Variants in PKP2 observed in about 807,000 individuals in gnomAD.
The protein encoded by PKP2 is plakophilin 2, also known as plakophilin-2.
A neutral mutation model predicts 83.4 loss-of-function variants in PKP2; 73 were observed. That is an observed-to-expected ratio of 0.88 (90% confidence interval 0.72 to 1.06). The LOEUF is 1.06. Ranked by LOEUF, PKP2 falls within the 50% of genes least tolerant of loss-of-function variation. The pLI is 0.00. For synonymous variants in PKP2, 409 were observed against 430.4 expected (o/e 0.95, Z 0.62); for missense variants, 966 against 1,065.4 (o/e 0.91, Z 1.30).
intron 6 of PKP2, among the ~76,000 whole-genome samples, chr12:32,826,021 G>A (rs1956436866): frequency 6.6e-6 from 1 of 151,970 alleles, no homozygotes; most frequent in Non-Finnish European, 1.5e-5. Flanking sequence ...AGAACTAAAG[G>A]TGGCTGGGTG....
intron 1 of PKP2, among the ~76,000 whole-genome samples, chr12:32,881,170 C>A (rs574799122): frequency 1.3e-5 from 2 of 152,156 alleles, no homozygotes; most frequent in African/African-American, 4.8e-5. Flanking sequence ...TGTTTGTACA[C>A]GTGTCCTTAT....
chr12:32,848,042 A>G lies in PKP2; in HGVS notation c.1378+2724T>C, dbSNP rs145497582. ...AAATGTTGGTTAAATGAATGGAATC[A>G]CTTTTAATTTCTACAGGCATTTGAA... On this transcript the variant is annotated intron_variant, in intron 5 of 12. Transcript: ENST00000340811. 3.6e-3 allele frequency among the ~76,000 whole-genome samples: 545 copies of G among 152,360 alleles called. 2 individuals carry two copies. The highest frequency in any genetic ancestry group is 5.5e-3 in the Non-Finnish European group (373 of 68,036).
chr12:32,811,582 A>G (rs1004426510), intron 9 of PKP2, among the ~76,000 whole-genome samples: 1 of 152,198 alleles, frequency 6.6e-6, no homozygotes, highest in Non-Finnish European at 1.5e-5. Flanking sequence ...CCTTTGTTTC[A>G]TGGTCAGCAT....
intron 4 of PKP2, among the ~76,000 whole-genome samples, chr12:32,864,307 C>A (rs1211750845): frequency 1.7e-5 from 1 of 57,568 alleles, no homozygotes; most frequent in African/African-American, 7.0e-5. Context: ...GTACTATACA[C>A]ATACACACAC....
At chr12:32,866,510 C>T (rs1956850046) in intron 4 of PKP2, among the ~76,000 whole-genome samples, 1 of 141,212 alleles carries the variant, frequency 7.1e-6, no homozygotes. Context: ...AAAATTGTGC[C>T]ACTGCACTCC....
chr12:32,840,014 C>T (rs781603670), intron 6 of PKP2, among the ~76,000 whole-genome samples: 62 of 152,184 alleles, frequency 4.1e-4, no homozygotes, highest in Admixed American at 9.8e-4. Flanking sequence ...CTTTGTTCTG[C>T]ATTCCCGCAG....
At position 32,810,675 on chromosome 12, in the gene PKP2, A is replaced by ATTTTTTTT. The variant is rs1222143443; in HGVS notation, c.2014-8127_2014-8120dup. Among the ~76,000 whole-genome samples the ATTTTTTTT allele has an allele frequency of 3.5e-3, 102 of 28,762 alleles. 24 individuals carry two copies. The highest frequency in any genetic ancestry group is 0.045 in the Middle Eastern group (2 of 44). The allele number at this position is 28,762 out of a possible 152,430, so 18.9% of individuals were successfully genotyped here. A position where few individuals can be genotyped will look rare whatever the true frequency, so the allele number is the denominator to read the frequency against. On this transcript the variant is annotated intron_variant, in intron 9 of 12. Transcript: ENST00000340811. ...TTAGGGGAAAGTACATAGAATAAAC[A>ATTTTTTTT]TTTTTTTTTTTTTTTTTTTTTTTTG...
intron 9 of PKP2, among the ~76,000 whole-genome samples, chr12:32,807,787 A>T (rs542629370): frequency 2.6e-5 from 4 of 152,196 alleles, no homozygotes; most frequent in African/African-American, 9.6e-5. Context: ...TTGTTTATGA[A>T]GGTTAGTTTG....
chr12:32,865,870 T>TA (rs947407279), intron 4 of PKP2, among the ~76,000 whole-genome samples: 1 of 152,074 alleles, frequency 6.6e-6, no homozygotes, highest in African/African-American at 2.4e-5. Context: ...GTCCACATCT[T>TA]ACAATATATA....
rs143399706 is a variant in PKP2 at position 32,824,523 on chromosome 12, C to T, written c.1557-361G>A. 2.2e-4 allele frequency: 58 copies of T among 258,220 alleles called. No homozygotes were observed. In the East Asian group the frequency reaches 5.7e-3, roughly 25 times the overall value. 16.0% of individuals were successfully genotyped at this position (258,220 alleles called of 1,614,324 possible). ...ATTAGACATTATAATATACTGGATG[C>T]CAAGTCCCAATTTGCCCCATGTTTT... On this transcript the variant is annotated intron_variant, in intron 6 of 12. Transcript: ENST00000340811.
At chr12:32,826,637 T>A (rs1016230773) in intron 6 of PKP2, among the ~76,000 whole-genome samples, 11 of 151,526 alleles carry the variant, frequency 7.3e-5, no homozygotes, top group East Asian at 3.9e-4. Context: ...TTTGTTCATT[T>A]AAAAAAAAAT....
At chr12:32,849,881 T>G (rs564247562) in intron 5 of PKP2, among the ~76,000 whole-genome samples, 26 of 152,288 alleles carry the variant, frequency 1.7e-4, no homozygotes, top group African/African-American at 4.6e-4. Flanking sequence ...GTCCAGATAA[T>G]GGAAAGATTG....
rs140484431 is a variant in PKP2, at chr12:32,806,686, T to TTGTGTG, written c.2014-4136_2014-4131dup. On this transcript the variant is annotated intron_variant, in intron 9 of 12. Coordinates refer to ENST00000340811, the MANE Select transcript of PKP2 (RefSeq NM_001005242.3). The stretch of plus-strand genomic sequence containing the variant: ...TGAATTTGTTGATTTTTTGAAGGGT[T>TTGTGTG]TGTGTGTGTGTGTGTGTGTCTGTAT... Among the ~76,000 whole-genome samples the TTGTGTG allele has an allele frequency of 1.5e-3, 232 of 149,714 alleles. 1 individual carries two copies. The East Asian group carries it at 0.025, about 16-fold the overall frequency.
intron 5 of PKP2, among the ~76,000 whole-genome samples, chr12:32,848,771 G>T (rs1956670668): frequency 6.6e-6 from 1 of 152,022 alleles, no homozygotes; most frequent in Non-Finnish European, 1.5e-5. Flanking sequence ...TGACACACTT[G>T]AACACGTAAC....
intron 4 of PKP2, among the ~76,000 whole-genome samples, chr12:32,858,078 AAAAAAAATATATAT>A (rs1243498130): frequency 2.3e-3 from 144 of 62,206 alleles, no homozygotes; most frequent in Non-Finnish European, 3.3e-3. Context: ...AAAAAAAAAA[AAAAAAAATATATAT>A]ATATATATAT....
At chr12:32,871,299 G>C (rs985101899) in intron 3 of PKP2, among the ~76,000 whole-genome samples, 3 of 151,750 alleles carry the variant, frequency 2.0e-5, no homozygotes, top group Non-Finnish European at 2.9e-5. Flanking sequence ...ATTTCTTCTT[G>C]TTCTTCTTTT....
intron 6 of PKP2, among the ~76,000 whole-genome samples, chr12:32,840,179 G>T (rs1163277624): frequency 1.3e-5 from 2 of 152,226 alleles, no homozygotes; most frequent in African/African-American, 4.8e-5. Context: ...CAACTTCCAG[G>T]TGGTGCTGGA....
intron 9 of PKP2, among the ~76,000 whole-genome samples, chr12:32,805,545 G>A (rs920491300): frequency 3.3e-5 from 5 of 152,018 alleles, no homozygotes; most frequent in South Asian, 2.1e-4. Flanking sequence ...TCCCAGCACC[G>A]TTTATTAAAT....
rs570353803 is a variant in PKP2, at chr12:32,854,667, T to C, written c.1171-3694A>G. 1.9e-3 allele frequency among the ~76,000 whole-genome samples: 291 copies of C among 152,268 alleles called. 1 individual carries two copies. The highest frequency in any genetic ancestry group is 6.7e-3 in the African/African-American group (277 of 41,560). ...TCCTTTGGGAAAAGGAAAAAAGAAA[T>C]AGACTACCATGAATGTTTCAGAACT... On this transcript the variant is annotated intron_variant, in intron 4 of 12. Transcript: ENST00000340811.
Sources: allele counts gnomAD v4.1 joint callset (sites outside exome capture counted in the v4.1 genomes callset), GRCh38; gene constraint gnomAD v4.1.1; transcripts MANE v1.5; gene names NCBI Gene and HGNC (gene_info 2026-07-23, HGNC 2026-07-21).